Variants in PBX3 observed in about 807,000 individuals in gnomAD.
The protein encoded by PBX3 is pre-B-cell leukemia transcription factor 3.
In PBX3, 14 loss-of-function variants were observed where a neutral mutation model predicts 48.5. The ratio of observed to expected loss-of-function variants is 0.29; its 90% confidence interval spans 0.19 to 0.45. The LOEUF (loss-of-function observed/expected upper bound fraction) is 0.45. Among genes scored for constraint, PBX3 ranks in the 20% least tolerant of loss-of-function variants. The pLI is 1.00. For synonymous variants in PBX3, 210 were observed against 200.3 expected, an observed-to-expected ratio of 1.05 and a Z score of -0.41; for missense variants, 386 against 546.7, an observed-to-expected ratio of 0.71 and a Z score of 2.93.
intron 2 of PBX3, among the ~76,000 whole-genome samples, chr9:125,874,713 A>C (rs1840207988): frequency 6.6e-6 from 1 of 152,318 alleles, no homozygotes; most frequent in Admixed American, 6.5e-5. Context: ...ATGAGGAGCA[A>C]CAGAAACTCT....
At chr9:125,899,274 CATAT>C (rs1564163210) in intron 2 of PBX3, among the ~76,000 whole-genome samples, 1,911 of 104,490 alleles carry the variant, frequency 0.018, 195 homozygotes, top group East Asian at 0.15. Context: ...TATAAATATA[CATAT>C]GTATATATAT....
chr9:125,775,510 C>T (rs1267385668), intron 2 of PBX3, among the ~76,000 whole-genome samples: 7 of 152,072 alleles, frequency 4.6e-5, no homozygotes, highest in Admixed American at 3.9e-4. Flanking sequence ...TATTCTTTCC[C>T]TCATTGAATG....
chr9:125,928,419 TG>T (rs1280772533), intron 3 of PBX3, among the ~76,000 whole-genome samples: 6 of 147,172 alleles, frequency 4.1e-5, no homozygotes, highest in East Asian at 1.9e-4. Context: ...TGTGTGTGTG[TG>T]TGTTTTTGTG....
chr9:125,951,376 G>T (rs905226546), intron 5 of PBX3, among the ~76,000 whole-genome samples: 2 of 152,110 alleles, frequency 1.3e-5, no homozygotes, highest in African/African-American at 4.8e-5. Context: ...AGGTATGCAG[G>T]AGTTCACCTC....
chr9:125,779,131 G>T (rs1837163330), intron 2 of PBX3, among the ~76,000 whole-genome samples: 1 of 137,712 alleles, frequency 7.3e-6, no homozygotes, highest in African/African-American at 2.7e-5. Context: ...CTATAAATTT[G>T]CCTAGTTTAG....
intron 2 of PBX3, among the ~76,000 whole-genome samples, chr9:125,868,116 C>G (rs886892260): frequency 6.6e-6 from 1 of 151,750 alleles, no homozygotes; most frequent in African/African-American, 2.4e-5. Context: ...CTCAAGTGAT[C>G]TGGTCAACTC....
intron 2 of PBX3, among the ~76,000 whole-genome samples, chr9:125,784,939 A>T (rs1837420582): frequency 6.6e-6 from 1 of 152,166 alleles, no homozygotes; most frequent in Non-Finnish European, 1.5e-5. Flanking sequence ...TGAATTTCAT[A>T]GTATATATGA....
chr9:125,852,763 A>T (rs1031438949), intron 2 of PBX3, among the ~76,000 whole-genome samples: 2 of 152,134 alleles, frequency 1.3e-5, no homozygotes, highest in African/African-American at 4.8e-5. Flanking sequence ...TTTTCTGAGA[A>T]TATTACCTTT....
chr9:125,901,634 T>G (rs1276486824), intron 2 of PBX3, among the ~76,000 whole-genome samples: 1 of 151,716 alleles, frequency 6.6e-6, no homozygotes, highest in Non-Finnish European at 1.5e-5. Context: ...TAATTTGGCT[T>G]GAAACATAGT....
At chr9:125,883,934 G>T (rs1235531519) in intron 2 of PBX3, among the ~76,000 whole-genome samples, 1 of 152,186 alleles carries the variant, frequency 6.6e-6, no homozygotes, top group Non-Finnish European at 1.5e-5. Flanking sequence ...TGAGGGCTGA[G>T]TGATAGATTC....
At chr9:125,824,386 A>G (rs1212658632) in intron 2 of PBX3, among the ~76,000 whole-genome samples, 2 of 152,238 alleles carry the variant, frequency 1.3e-5, no homozygotes, top group African/African-American at 4.8e-5. Context: ...GGGCCTGTCC[A>G]CAGTTCCGTT....
chr9:125,961,473 A>G (rs1842429329), intron 6 of PBX3, among the ~76,000 whole-genome samples: 2 of 152,194 alleles, frequency 1.3e-5, no homozygotes, highest in Admixed American at 6.5e-5. Context: ...ATTTCAGGGA[A>G]CTTGAATAAC....
intron 2 of PBX3, among the ~76,000 whole-genome samples, chr9:125,751,900 A>G (rs951361652): frequency 4.6e-5 from 7 of 151,778 alleles, no homozygotes; most frequent in Non-Finnish European, 1.0e-4. Flanking sequence ...TTTGTGAAAT[A>G]TTTCATCCTG....
At chr9:125,749,568 T>G (rs1199869393) in intron 2 of PBX3, 1 of 151,476 alleles carries the variant, frequency 6.6e-6, no homozygotes, top group South Asian at 2.1e-4. Flanking sequence ...TTCTTTTTTT[T>G]TTTTTTTTTG....
chr9:125,933,929 C>T (rs998000981), intron 4 of PBX3, among the ~76,000 whole-genome samples: 7 of 152,128 alleles, frequency 4.6e-5, no homozygotes, highest in Admixed American at 6.5e-5. Context: ...GCTCTCACCT[C>T]GGGACCTTGT....
intron 2 of PBX3, among the ~76,000 whole-genome samples, chr9:125,798,567 T>G (rs779561717): frequency 1.3e-5 from 2 of 152,200 alleles, no homozygotes; most frequent in Non-Finnish European, 2.9e-5. Flanking sequence ...AAATGATTAC[T>G]GAATAAAGGC....
chr9:125,839,597 A>G (rs1238967516), intron 2 of PBX3, among the ~76,000 whole-genome samples: 1 of 152,202 alleles, frequency 6.6e-6, no homozygotes, highest in Non-Finnish European at 1.5e-5. Flanking sequence ...GGGAAAAGCC[A>G]AAGATTTATG....
intron 2 of PBX3, among the ~76,000 whole-genome samples, chr9:125,865,543 T>A (rs957186416): frequency 1.3e-5 from 2 of 152,228 alleles, no homozygotes; most frequent in African/African-American, 2.4e-5. Context: ...TTACTATGTT[T>A]TAACAGTAAT....
Position 125,966,113 on chromosome 9 carries a change from T to C in PBX3, c.*190T>C, listed in dbSNP as rs976502098. On this transcript the variant is annotated 3_prime_UTR_variant, in exon 9 of 9. Coordinates refer to ENST00000373489, the MANE Select transcript of PBX3 (RefSeq NM_006195.6). ...TGTATTTATACTTAAAAACACACAA[T>C]GTTAAAAAAAATAAAGCACTTTATC... 1 of 384,546 alleles carries C rather than the reference T, an allele frequency of 2.6e-6. No individual in the cohort carries two copies. The highest frequency in any genetic ancestry group is 4.5e-6 in the Non-Finnish European group (1 of 220,288). The allele number at this position is 384,546 out of a possible 1,614,324, so 23.8% of individuals were successfully genotyped here.
Sources: allele counts gnomAD v4.1 joint callset (sites outside exome capture counted in the v4.1 genomes callset), GRCh38; gene constraint gnomAD v4.1.1; transcripts MANE v1.5; gene names NCBI Gene and HGNC (gene_info 2026-07-23, HGNC 2026-07-21).